Variants in PPP2R2C observed in about 807,000 individuals in gnomAD.
PPP2R2C encodes the protein protein phosphatase 2, regulatory subunit B, gamma.
In PPP2R2C, 10 loss-of-function variants were observed where a neutral mutation model predicts 45.3. That is an observed-to-expected ratio of 0.22 (90% confidence interval 0.14 to 0.37). PPP2R2C has a LOEUF of 0.37. Among genes scored for constraint, PPP2R2C ranks in the 10% least tolerant of loss-of-function variants. The pLI is 1.00. For synonymous variants in PPP2R2C, 257 were observed against 245.4 expected (o/e 1.05, Z -0.44); for missense variants, 308 against 619.7 (o/e 0.50, Z 5.34).
chr4:6,370,700 A>T (rs976615118), intron 5 of PPP2R2C, among the ~76,000 whole-genome samples: 2 of 152,144 alleles, frequency 1.3e-5, no homozygotes, highest in African/African-American at 4.8e-5. Context: ...GCCATCACCC[A>T]CGATGCTCCA....
At chr4:6,434,364 T>TTC (rs1252660427) in intron 1 of PPP2R2C, among the ~76,000 whole-genome samples, 2 of 139,492 alleles carry the variant, frequency 1.4e-5, no homozygotes, top group African/African-American at 2.7e-5. Flanking sequence ...CTTTTCTTTT[T>TTC]TTTTTTTTTT....
intron 1 of PPP2R2C, among the ~76,000 whole-genome samples, chr4:6,399,685 C>T (rs1717284443): frequency 6.6e-6 from 1 of 152,218 alleles, no homozygotes; most frequent in African/African-American, 2.4e-5. Flanking sequence ...AGGCTGCCCA[C>T]CTCCATGGAA....
At chr4:6,390,735 C>T (rs528640684) in intron 1 of PPP2R2C, among the ~76,000 whole-genome samples, 16 of 152,254 alleles carry the variant, frequency 1.1e-4, no homozygotes, top group African/African-American at 3.6e-4. Flanking sequence ...GTCTGAGAGC[C>T]GCAGGGCCAC....
intron 1 of PPP2R2C, among the ~76,000 whole-genome samples, chr4:6,465,152 A>T (rs1721528753): frequency 6.6e-6 from 1 of 151,838 alleles, no homozygotes; most frequent in Non-Finnish European, 1.5e-5. Context: ...GGAATAAAAA[A>T]ATCTGCTTTA....
intron 1 of PPP2R2C, among the ~76,000 whole-genome samples, chr4:6,536,727 G>A (rs917905849): frequency 2.0e-5 from 3 of 152,250 alleles, no homozygotes; most frequent in African/African-American, 4.8e-5. Flanking sequence ...AGGGATTCAG[G>A]TGTAAATCTC....
chr4:6,500,308 C>T (rs1723009142), intron 2 of PPP2R2C, among the ~76,000 whole-genome samples: 1 of 152,132 alleles, frequency 6.6e-6, no homozygotes, highest in Non-Finnish European at 1.5e-5. Context: ...CCACCATACC[C>T]AGATGATCTT....
intron 6 of PPP2R2C, among the ~76,000 whole-genome samples, chr4:6,337,981 G>C (rs375029244): frequency 3.9e-5 from 6 of 152,022 alleles, no homozygotes; most frequent in African/African-American, 1.4e-4. Flanking sequence ...AAAAGATAGT[G>C]GAATCTACTA....
rs576434827 is a variant in PPP2R2C, at chr4:6,352,341, C to G, written c.626-4331G>C. On this transcript the variant is annotated intron_variant, in intron 5 of 8. Coordinates refer to ENST00000382599, the MANE Select transcript of PPP2R2C (RefSeq NM_020416.4). Reference sequence around the variant, plus strand: ...AATGAGGGCCTGGGCCCTTTCCTTTCCAGGACTAACCGCAGGTGGCCCCAC... The same window carrying G: ...AATGAGGGCCTGGGCCCTTTCCTTTGCAGGACTAACCGCAGGTGGCCCCAC... Among the ~76,000 whole-genome samples the G allele has an allele frequency of 9.1e-3, 1,381 of 152,260 alleles. 16 individuals are homozygous for G. The highest frequency in any genetic ancestry group is 0.031 in the African/African-American group (1,287 of 41,506).
intron 5 of PPP2R2C, among the ~76,000 whole-genome samples, chr4:6,357,552 G>A (rs555579143): frequency 2.0e-5 from 3 of 152,284 alleles, no homozygotes; most frequent in East Asian, 1.9e-4. Flanking sequence ...TTGCCCTGCC[G>A]CCCACAGCCC....
At chr4:6,512,914 C>T (rs1449591610) in intron 2 of PPP2R2C, among the ~76,000 whole-genome samples, 1 of 151,912 alleles carries the variant, frequency 6.6e-6, no homozygotes, top group South Asian at 2.1e-4. Flanking sequence ...AAATCAGACC[C>T]AATAAAACCA....
chr4:6,479,919 C>T (rs1336620121), intron 2 of PPP2R2C, among the ~76,000 whole-genome samples: 2 of 151,878 alleles, frequency 1.3e-5, no homozygotes, highest in Non-Finnish European at 1.5e-5. Context: ...CTATGTTGCC[C>T]AGGCCCGTCT....
chr4:6,473,597 GC>G (rs1322064085), upstream of PPP2R2C, among the ~76,000 whole-genome samples: 1 of 152,356 alleles, frequency 6.6e-6, no homozygotes, highest in East Asian at 1.9e-4. Context: ...GACCAGAGCT[GC>G]AGGGGCTCTT....
intron 1 of PPP2R2C, among the ~76,000 whole-genome samples, chr4:6,415,855 A>T (rs1378328409): frequency 1.3e-5 from 2 of 152,180 alleles, no homozygotes; most frequent in Non-Finnish European, 2.9e-5. Flanking sequence ...TCACTACCAC[A>T]TTACACAGCT....
intron 2 of PPP2R2C, among the ~76,000 whole-genome samples, chr4:6,528,432 A>C (rs921018894): frequency 2.0e-5 from 3 of 152,246 alleles, no homozygotes; most frequent in African/African-American, 4.8e-5. Flanking sequence ...AGGATCCTGC[A>C]GACCTAGGCA....
At position 6,513,309 on chromosome 4, in the gene PPP2R2C, T is replaced by A. The variant is rs536237967; in HGVS notation, c.49+21962A>T. Among the ~76,000 whole-genome samples, 410 of 152,270 alleles carry A rather than the reference T, an allele frequency of 2.7e-3. 1 individual carries two copies. Among genetic ancestry groups the A allele is most frequent in the African/African-American group, 9.1e-3 (380 of 41,544 alleles). On this transcript the variant is annotated intron_variant, in intron 2 of 9. Transcript: ENST00000506140. ...AGGCCCTGGAATACGATGGAGTCAGTCCAAAGAGTGGGCACAGAGATGCTG... is the reference window on the plus strand; with the variant it reads ...AGGCCCTGGAATACGATGGAGTCAGACCAAAGAGTGGGCACAGAGATGCTG...
Position 6,333,461 on chromosome 4 carries a change from G to C in PPP2R2C, c.960+101C>G. 3 of 1,344,492 alleles carry C rather than the reference G, an allele frequency of 2.2e-6. No individual in the cohort carries two copies. The South Asian group carries it at 4.2e-5, about 19-fold the overall frequency. The allele number at this position is 1,344,492 out of a possible 1,614,324, so 83.3% of individuals were successfully genotyped here. ...CCTCCGTGTCTTCACCTACATACCG[G>C]GCATATGAAAGCCACGCCTGGCTAG... On this transcript the variant is annotated intron_variant, in intron 7 of 8. Coordinates refer to ENST00000382599, the MANE Select transcript of PPP2R2C (RefSeq NM_020416.4).
chr4:6,358,366 C>T (rs949460603), intron 5 of PPP2R2C, among the ~76,000 whole-genome samples: 6 of 152,006 alleles, frequency 3.9e-5, no homozygotes, highest in African/African-American at 1.5e-4. Flanking sequence ...AATGTTAGAC[C>T]TAAAACCAGA....
rs190139594 is a variant in PPP2R2C at position 6,517,508 on chromosome 4, G to C, written c.49+17763C>G. Among the ~76,000 whole-genome samples the C allele has an allele frequency of 3.2e-3, 487 of 152,262 alleles. 4 individuals are homozygous for C. The highest frequency in any genetic ancestry group is 0.011 in the African/African-American group (459 of 41,552). On this transcript the variant is annotated intron_variant, in intron 2 of 9. Transcript: ENST00000506140. ...GGCATGTGCAAAGTACTCCCTACAC[G>C]TCAGGTGCTGCTGTTATTATCCATC...
chr4:6,403,628 C>T (rs1345844529), intron 1 of PPP2R2C, among the ~76,000 whole-genome samples: 5 of 151,970 alleles, frequency 3.3e-5, no homozygotes, highest in South Asian at 2.1e-4. Context: ...CCTGGGAGGA[C>T]GAGGCAGGGG....
Sources: allele counts gnomAD v4.1 joint callset (sites outside exome capture counted in the v4.1 genomes callset), GRCh38; gene constraint gnomAD v4.1.1; transcripts MANE v1.5; gene names NCBI Gene and HGNC (gene_info 2026-07-23, HGNC 2026-07-21).